The following TNIK variants were observed in gnomAD, a reference collection of about 807,000 sequenced individuals.
TNIK encodes the protein TRAF2 and NCK interacting kinase, also known as TRAF2 and NCK-interacting protein kinase.
A neutral mutation model predicts 191.3 loss-of-function variants in TNIK; 49 were observed. The ratio of observed to expected loss-of-function variants is 0.26; its 90% CI spans 0.20 to 0.32. The LOEUF (loss-of-function observed/expected upper bound fraction) is 0.32. TNIK is among the 10% of genes least tolerant of loss of function. The pLI, the probability that TNIK is intolerant of heterozygous loss-of-function variation, is 1.00. For synonymous variants in TNIK, 594 were observed against 600.9 expected (o/e 0.99, Z 0.17); for missense variants, 1,155 against 1,702.3 (o/e 0.68, Z 5.66).
intron 10 of TNIK, among the ~76,000 whole-genome samples, chr3:171,162,009 A>C (rs1280075053): frequency 6.6e-6 from 1 of 152,188 alleles, no homozygotes; most frequent in East Asian, 1.9e-4. Flanking sequence ...TTTGTAACTT[A>C]TTGATGGTAT....
intron 12 of TNIK, among the ~76,000 whole-genome samples, chr3:171,155,569 G>A (rs1396645025): frequency 2.0e-5 from 3 of 152,214 alleles, no homozygotes; most frequent in East Asian, 1.9e-4. Flanking sequence ...GACAGGGTGT[G>A]TCTCTGGCTG....
chr3:171,124,668 C>A (rs530199075), intron 17 of TNIK, among the ~76,000 whole-genome samples: 32 of 152,004 alleles, frequency 2.1e-4, no homozygotes, highest in Non-Finnish European at 4.1e-4. Flanking sequence ...GCAGAATGAC[C>A]AAATCAATGC....
Position 171,110,735 on chromosome 3 carries a change from T to C in TNIK, c.2263A>G (p.Ser755Gly). The C allele has an allele frequency of 6.3e-7, 1 of 1,599,512 alleles. No homozygotes were observed. The highest frequency in any genetic ancestry group is 8.5e-7 in the Non-Finnish European group (1 of 1,172,990). ...TTACCTCGAACTCTGGTGCGTTCAC[T>C]GGATCCTGCTTGTGATCCAGGCTGG... ...GSQPGSQAGSSERTRVRANSK... is the reference protein window; with the variant it reads ...GSQPGSQAGSGERTRVRANSK... Residue 755 changes from serine to glycine, a missense_variant, in exon 19 of 33, where the codon AGT becomes GGT. Ser to Gly is a moderately conservative substitution (Grantham distance 56, BLOSUM62 0). This residue lies in a region of TNIK where 735 missense variants were observed against 848.0 expected (regional missense o/e 0.87). Coordinates refer to ENST00000436636, the MANE Select transcript of TNIK (RefSeq NM_015028.4).
chr3:171,293,294 C>G (rs763658798), intron 2 of TNIK, among the ~76,000 whole-genome samples: 1 of 152,174 alleles, frequency 6.6e-6, no homozygotes, highest in African/African-American at 2.4e-5. Flanking sequence ...TTTTACTCCA[C>G]GCCTACAAGA....
At chr3:171,332,023 C>T (rs1756464297) in intron 2 of TNIK, among the ~76,000 whole-genome samples, 1 of 145,322 alleles carries the variant, frequency 6.9e-6, no homozygotes, top group Non-Finnish European at 1.5e-5. Context: ...GTAAATTAAT[C>T]TAAAATTAAA....
intron 2 of TNIK, among the ~76,000 whole-genome samples, chr3:171,254,663 T>C (rs913413771): frequency 3.9e-5 from 6 of 152,310 alleles, no homozygotes; most frequent in South Asian, 2.1e-4. Context: ...CAACTACTAA[T>C]ACAGATACAT....
chr3:171,225,779 T>A (rs1742893963), intron 3 of TNIK: 3 of 359,546 alleles, frequency 8.3e-6, no homozygotes. Context: ...ACTTTGAACA[T>A]CAACACACAT....
At chr3:171,418,157 C>T (rs1560047197) in intron 1 of TNIK, among the ~76,000 whole-genome samples, 5 of 152,146 alleles carry the variant, frequency 3.3e-5, no homozygotes, top group Admixed American at 6.6e-5. Context: ...ATAATTCCAT[C>T]GAGTGTTCCT....
At chr3:171,268,512 T>C (rs1011952588) in intron 2 of TNIK, among the ~76,000 whole-genome samples, 1 of 152,110 alleles carries the variant, frequency 6.6e-6, no homozygotes, top group Non-Finnish European at 1.5e-5. Context: ...TGTTCTATAC[T>C]AAGGTCTCTT....
chr3:171,285,422 A>T (rs1750904706), intron 2 of TNIK, among the ~76,000 whole-genome samples: 1 of 152,200 alleles, frequency 6.6e-6, no homozygotes, highest in African/African-American at 2.4e-5. Context: ...GTAAAAGTGT[A>T]GAGGTGGTGT....
At chr3:171,196,948 G>A (rs1015159177) in intron 4 of TNIK, among the ~76,000 whole-genome samples, 2 of 152,084 alleles carry the variant, frequency 1.3e-5, no homozygotes. Flanking sequence ...GTAGACACGG[G>A]GTTTCACCAT....
At chr3:171,384,096 C>T (rs1455492180) in intron 1 of TNIK, among the ~76,000 whole-genome samples, 2 of 152,180 alleles carry the variant, frequency 1.3e-5, no homozygotes, top group South Asian at 2.1e-4. Context: ...TCCTTTTGTC[C>T]CATCTTTGTC....
At chr3:171,143,208 C>A (rs1731090813) in intron 12 of TNIK, among the ~76,000 whole-genome samples, 1 of 152,326 alleles carries the variant, frequency 6.6e-6, no homozygotes, top group East Asian at 1.9e-4. Context: ...GCTTTCCCAA[C>A]CTTCTGAGGG....
intron 2 of TNIK, among the ~76,000 whole-genome samples, chr3:171,231,866 C>G (rs1420582068): frequency 6.6e-6 from 1 of 152,262 alleles, no homozygotes; most frequent in East Asian, 1.9e-4. Flanking sequence ...AACTTCACAG[C>G]TAAACTTAGG....
chr3:171,219,136 A>AATATATACTTTATATAAATATATAATT (rs1741946073), intron 3 of TNIK, among the ~76,000 whole-genome samples: 1 of 134,126 alleles, frequency 7.5e-6, no homozygotes. Flanking sequence ...TATAATTATA[A>AATATATACTTTATATAAATATATAATT]ATATATATTA....
intron 23 of TNIK, among the ~76,000 whole-genome samples, chr3:171,092,202 C>A (rs757445003): frequency 6.6e-6 from 1 of 152,104 alleles, no homozygotes; most frequent in Non-Finnish European, 1.5e-5. Flanking sequence ...CCCACCTCGG[C>A]CTCCCAAAGT....
intron 12 of TNIK, among the ~76,000 whole-genome samples, chr3:171,151,250 A>C (rs1026513297): frequency 6.6e-6 from 1 of 152,272 alleles, no homozygotes; most frequent in Non-Finnish European, 1.5e-5. Context: ...AAAGCTGGCC[A>C]TCTAAGAACT....
chr3:171,372,153 G>A (rs1716577056), intron 1 of TNIK, among the ~76,000 whole-genome samples: 1 of 152,178 alleles, frequency 6.6e-6, no homozygotes, highest in African/African-American at 2.4e-5. Flanking sequence ...GCTGACTTGT[G>A]AGGCTCTTTT....
chr3:171,209,733 G>A (rs1236543300), intron 4 of TNIK, among the ~76,000 whole-genome samples: 2 of 151,734 alleles, frequency 1.3e-5, no homozygotes, highest in African/African-American at 4.8e-5. Context: ...TTGGAGATGA[G>A]CCTTATGGAA....
Sources: gnomAD v4.1 joint callset for allele counts (sites outside exome capture counted in the v4.1 genomes callset) on GRCh38, gnomAD v4.1.1 for gene constraint, gnomAD v4.1.1 regional missense constraint, MANE v1.5 for transcripts, NCBI Gene and HGNC (gene_info 2026-07-23, HGNC 2026-07-21) for gene names.